COPZ2: variants seen among roughly 807,000 people sequenced by gnomAD.
COPZ2 encodes the protein coatomer subunit zeta-2.
A neutral mutation model predicts 33.2 loss-of-function variants in COPZ2; 30 were observed. The observed-to-expected ratio is 0.90, with a 90% CI of 0.68 to 1.23. The LOEUF (loss-of-function observed/expected upper bound fraction) is 1.23. Ranked by LOEUF, COPZ2 falls within the 50% of genes most tolerant of loss-of-function variation. The pLI, the probability that COPZ2 is intolerant of heterozygous loss-of-function variation, is 0.00. For synonymous variants in COPZ2, 89 were observed against 102.6 expected (o/e 0.87, Z 0.80); for missense variants, 263 against 262.4 (o/e 1.00, Z -0.02).
At position 48,037,235 on chromosome 17, in the gene COPZ2, G is replaced by GC; in HGVS notation, c.112-311dup. 1 of 610,860 alleles carries GC rather than the reference G, an allele frequency of 1.6e-6. No homozygotes were observed. The allele number at this position is 610,860 out of a possible 1,614,324, so 37.8% of individuals were successfully genotyped here. On this transcript the variant is annotated intron_variant, in intron 1 of 8. Coordinates refer to ENST00000621465, the MANE Select transcript of COPZ2 (RefSeq NM_016429.4). The surrounding 1 kb of genome is among the most constrained non-coding windows in gnomAD (Gnocchi z 5.6). ...AGTCGGAGTGTATCACAGAACCTGGGCCGGGGGGGACAGCGGGCCGAGCCT... is the reference window on the plus strand; with the variant it reads ...AGTCGGAGTGTATCACAGAACCTGGGCCCGGGGGGGACAGCGGGCCGAGCCT...
chr17:48,042,530 C>T (rs1246699981), upstream of COPZ2, among the ~76,000 whole-genome samples: 3 of 152,076 alleles, frequency 2.0e-5, no homozygotes, highest in East Asian at 1.9e-4. Context: ...AGCACGATCT[C>T]GGCTCACTGC....
chr17:48,030,144 G>A (rs995789489), intron 6 of COPZ2, among the ~76,000 whole-genome samples: 2 of 151,008 alleles, frequency 1.3e-5, no homozygotes, highest in African/African-American at 2.4e-5. Context: ...AAAATTAGCC[G>A]GTAATGGTGG....
At position 48,037,052 on chromosome 17, in the gene COPZ2, G is replaced by A; in HGVS notation, c.112-127C>T. On this transcript the variant is annotated intron_variant, in intron 1 of 8. Transcript: ENST00000621465. The surrounding 1 kb of genome is among the most constrained non-coding windows in gnomAD (Gnocchi z 5.6). The stretch of plus-strand genomic sequence containing the variant: ...ACCCCAGTCCTCAAGGTCCACAGCT[G>A]GTTCTGCCCAGCCCTGTGCCACATG... 1 of 882,642 alleles carries A rather than the reference G, an allele frequency of 1.1e-6. No individual in the cohort carries two copies. Among genetic ancestry groups the A allele is most frequent in the South Asian group, 1.4e-5 (1 of 72,272 alleles). 54.7% of individuals were successfully genotyped at this position (882,642 alleles called of 1,614,324 possible).
At chr17:48,048,032 C>T in the COPZ2 span, 4 of 152,440 alleles carry the variant, frequency 2.6e-5, no homozygotes, top group African/African-American at 7.2e-5. Flanking sequence ...GGATACTTCA[C>T]CCAACGCCCA....
rs1300484952 is a variant in COPZ2, at chr17:48,036,872, G to A, written c.165C>T (p.Asp55=). The A allele has an allele frequency of 5.0e-6, 8 of 1,613,924 alleles. No homozygotes were observed. Among genetic ancestry groups the A allele is most frequent in the East Asian group, 2.2e-5 (1 of 44,886 alleles). ...TIKAVFILDN[D]GRRLLAKYYD... is the part of the protein sequence containing the mutation. ...TTACCTTGGCCAGCAGCCGGCGCCC[G>A]TCATTATCTAGGATGAAAACAGCCT... is the stretch of plus-strand genomic sequence containing the variant. Residue 55 remains aspartate, a synonymous_variant, in exon 2 of 9, where the codon GAC becomes GAT. Coordinates refer to ENST00000621465, the MANE Select transcript of COPZ2 (RefSeq NM_016429.4).
the COPZ2 span, among the ~76,000 whole-genome samples, chr17:48,043,231 T>G: frequency 6.6e-6 from 1 of 152,226 alleles, no homozygotes; most frequent in Non-Finnish European, 1.5e-5. Flanking sequence ...TGTGAAGTAG[T>G]GCACTCAGAA....
intron 6 of COPZ2, chr17:48,031,881 T>A (rs758031668): frequency 9.3e-5 from 46 of 492,110 alleles, no homozygotes; most frequent in Non-Finnish European, 1.6e-4. Context: ...CCAAACTGGA[T>A]TTTCCCCAAA....
chr17:48,037,709 GCCCCCGGCCTGGGCCGCCGCGGCCCCCT>G lies in COPZ2; in HGVS notation c.41_68del (p.Glu14AlafsTer30). On this transcript the variant is annotated frameshift_variant, in exon 1 of 9. Coordinates refer to ENST00000621465, the MANE Select transcript of COPZ2 (RefSeq NM_016429.4). LOFTEE classifies it high-confidence loss of function. The surrounding 1 kb of genome is among the most constrained non-coding windows in gnomAD (Gnocchi z 5.6). ...CCCCGGCTCGAGCAGGCGGCGCCGG[GCCCCCGGCCTGGGCCGCCGCGGCCCCCT>G]CCCCCGGGTGCGGACGTGGCCAGGC... The G allele has an allele frequency of 9.2e-7, 1 of 1,087,158 alleles. No homozygotes were observed. Among genetic ancestry groups the G allele is most frequent in the Non-Finnish European group, 1.1e-6 (1 of 898,264 alleles). The allele number at this position is 1,087,158 out of a possible 1,614,324, so 67.3% of individuals were successfully genotyped here.
At chr17:48,029,366 T>G (rs2036859859) in intron 6 of COPZ2, 190 bp from the exon 7 acceptor site, 3 of 652,250 alleles carry the variant, frequency 4.6e-6, no homozygotes, top group Non-Finnish European at 8.2e-6. Flanking sequence ...TCTGATTCTT[T>G]GATGCTTCAA....
intron 2 of COPZ2, among the ~76,000 whole-genome samples, chr17:48,035,186 T>G (rs1356821014): frequency 6.6e-6 from 1 of 152,206 alleles, no homozygotes; most frequent in East Asian, 1.9e-4. Context: ...TGACTCAGTT[T>G]CTTAATCTGT....
At chr17:48,040,514 C>T (rs1335613646), upstream of COPZ2, among the ~76,000 whole-genome samples, 4 of 150,570 alleles carry the variant, frequency 2.7e-5, no homozygotes, top group African/African-American at 9.8e-5. Context: ...CTCACTGCAA[C>T]CTCCGCCTCA....
chr17:48,033,365 C>T, intron 3 of COPZ2, 63 bp from the exon 4 acceptor site: 1 of 901,206 alleles, frequency 1.1e-6, no homozygotes, highest in East Asian at 2.5e-5. Flanking sequence ...GCCCCTCCTC[C>T]TCATGTATGA....
rs1226240793 is a variant in COPZ2 at position 48,037,795 on chromosome 17, A to G, written c.-18T>C. 6 of 978,314 alleles carry G rather than the reference A, an allele frequency of 6.1e-6. No individual in the cohort carries two copies. Among genetic ancestry groups the G allele is most frequent in the Admixed American group, 1.4e-4 (2 of 14,126 alleles). The allele number at this position is 978,314 out of a possible 1,614,324, so 60.6% of individuals were successfully genotyped here. The stretch of plus-strand genomic sequence containing the variant: ...CGCTGCATTCCGCTCGCCGCCTCGC[A>G]CTGACAGCGCCGCCCGCCGCCTGCC... On this transcript the variant is annotated 5_prime_UTR_variant, in exon 1 of 9. Coordinates refer to ENST00000621465, the MANE Select transcript of COPZ2 (RefSeq NM_016429.4). This position sits in a 1 kb window ranked among gnomAD's most constrained non-coding sequence, Gnocchi z 5.6.
chr17:48,037,710 C>T lies in COPZ2; in HGVS notation c.68G>A (p.Gly23Asp), dbSNP rs375483731. ...GEGAAAAQAG[G>D]PAPPARAGEP... ...CCCGGCTCGAGCAGGCGGCGCCGGG[C>T]CCCCGGCCTGGGCCGCCGCGGCCCC... Residue 23 changes from glycine (G) to aspartate (D), a missense_variant, in exon 1 of 9, where the codon GGC (glycine) becomes GAC (aspartate). Gly to Asp is a moderately conservative substitution (Grantham distance 94, BLOSUM62 -1). Transcript: ENST00000621465. This position sits in a 1 kb window ranked among gnomAD's most constrained non-coding sequence, Gnocchi z 5.6. 1.4e-5 allele frequency: 15 copies of T among 1,089,996 alleles called. No homozygotes were observed. In the East Asian group the frequency reaches 4.1e-4, roughly 30 times the overall value. The allele number at this position is 1,089,996 out of a possible 1,614,324, so 67.5% of individuals were successfully genotyped here.
chr17:48,047,373 T>G, the COPZ2 span: 17 of 152,284 alleles, frequency 1.1e-4, no homozygotes, highest in Non-Finnish European at 1.9e-4. Flanking sequence ...CGGCCGCCAC[T>G]CCAGGGTCAT....
At chr17:48,036,754 C>T in intron 2 of COPZ2, 97 bp downstream of exon 2, 1 of 1,181,650 alleles carries the variant, frequency 8.5e-7, no homozygotes, top group Non-Finnish European at 1.2e-6. Context: ...CTAAGCTGAG[C>T]TGCCCTGAGT....
the COPZ2 span, chr17:48,046,079 C>T: frequency 6.6e-6 from 1 of 152,214 alleles, no homozygotes; most frequent in Non-Finnish European, 1.5e-5. Context: ...GTCTCTACAC[C>T]TTTACTCTCT....
chr17:48,033,874 C>T lies in COPZ2; in HGVS notation c.257G>A (p.Ser86Asn), dbSNP rs753262701. 2.2e-5 allele frequency: 36 copies of T among 1,609,094 alleles called. No homozygotes were observed. The East Asian group carries it at 7.6e-4, about 34-fold the overall frequency. ...AGGGGGACACTTACTCTCAGTCCGG[C>T]TGGTCTTGTTGAAGACATTTTTCTC... is the stretch of plus-strand genomic sequence containing the variant. ...VFEKNVFNKT[S>N]RTESEIAFFG... Residue 86 changes from serine (S) to asparagine (N), a missense_variant, in exon 3 of 9, where the codon AGC (serine) becomes AAC (asparagine). Physicochemically the swap from Ser to Asn is conservative, Grantham distance 46 (BLOSUM62 1). Coordinates refer to ENST00000621465, the MANE Select transcript of COPZ2 (RefSeq NM_016429.4).
chr17:48,047,478 T>C, the COPZ2 span: 5 of 152,100 alleles, frequency 3.3e-5, no homozygotes, highest in African/African-American at 9.7e-5. Context: ...GTCACAAACA[T>C]GTTTTGGCAA....
Sources: allele counts gnomAD v4.1 joint callset (sites outside exome capture counted in the v4.1 genomes callset), GRCh38; gene constraint gnomAD v4.1.1; non-coding constraint Gnocchi (gnomAD v3.1); transcripts MANE v1.5; gene names NCBI Gene and HGNC (gene_info 2026-07-23, HGNC 2026-07-21).